P2RY8: variants seen among roughly 807,000 people sequenced by gnomAD.
The protein encoded by P2RY8 is P2Y receptor family member 8.
In P2RY8, 6 loss-of-function variants were observed where a neutral mutation model predicts 10.0. That is an observed-to-expected ratio of 0.60 (90% CI 0.33 to 1.19). The LOEUF (loss-of-function observed/expected upper bound fraction) is 1.19. P2RY8 is among the 50% of genes most tolerant of loss of function. The pLI is 0.04. For synonymous variants in P2RY8, 276 were observed against 252.5 expected, an observed-to-expected ratio of 1.09 and a Z score of -0.88; for missense variants, 456 against 542.0, an observed-to-expected ratio of 0.84 and a Z score of 1.58.
rs1208094731 is a variant in P2RY8 at position 1,537,024 on chromosome X, C to G, written c.-128G>C. 1 of 232,260 alleles carries G rather than the reference C, an allele frequency of 4.3e-6. No individual in the cohort carries two copies. Among genetic ancestry groups the G allele is most frequent in the Non-Finnish European group, 8.5e-6 (1 of 117,574 alleles). 14.4% of individuals were successfully genotyped at this position (232,260 alleles called of 1,614,324 possible). ...CGGCCGTGCCTCAGAGCCCGGGACT[C>G]GGGGGGCCAGCCACCAGCTTGCAAG... is the stretch of plus-strand genomic sequence containing the variant. On this transcript the variant is annotated 5_prime_UTR_variant, in exon 1 of 2. Coordinates refer to ENST00000381297, the MANE Select transcript of P2RY8 (RefSeq NM_178129.5).
chrX:1,525,289 C>A (rs1403455807), intron 1 of P2RY8, among the ~76,000 whole-genome samples: 3 of 152,174 alleles, frequency 2.0e-5, no homozygotes, highest in African/African-American at 7.2e-5. Flanking sequence ...GAAATAGGAT[C>A]TTTGCAGATG....
chrX:1,500,009 CCA>C (rs1491437246), intron 1 of P2RY8, among the ~76,000 whole-genome samples: 18 of 72,398 alleles, frequency 2.5e-4, no homozygotes, highest in Non-Finnish European at 2.6e-4. Context: ...CAGGCGTGTA[CCA>C]CCATGCCCAG....
At chrX:1,530,719 T>C (rs1308214236) in intron 1 of P2RY8, among the ~76,000 whole-genome samples, 1 of 151,200 alleles carries the variant, frequency 6.6e-6, no homozygotes, top group African/African-American at 2.4e-5. Context: ...ATCTAATCTA[T>C]TTATCCATGT....
intron 1 of P2RY8, among the ~76,000 whole-genome samples, chrX:1,468,468 G>C: frequency 6.6e-6 from 1 of 152,338 alleles, no homozygotes; most frequent in East Asian, 1.9e-4. Flanking sequence ...AGCCAGGACT[G>C]CTGAGGAACG....
At chrX:1,512,546 C>CAAAAAA (rs573449530) in intron 1 of P2RY8, among the ~76,000 whole-genome samples, 1 of 97,036 alleles carries the variant, frequency 1.0e-5, no homozygotes. Context: ...GACTCCGTCT[C>CAAAAAA]AAAAAAAAAA....
At chrX:1,491,822 T>G (rs1196485692) in intron 1 of P2RY8, among the ~76,000 whole-genome samples, 1 of 151,982 alleles carries the variant, frequency 6.6e-6, no homozygotes, top group Non-Finnish European at 1.5e-5. Context: ...TGAATGCCAC[T>G]CTGAGAATGC....
intron 1 of P2RY8, among the ~76,000 whole-genome samples, chrX:1,503,419 T>G (rs1221708908): frequency 6.6e-6 from 1 of 152,194 alleles, no homozygotes; most frequent in Non-Finnish European, 1.5e-5. Flanking sequence ...CTGAACAAGT[T>G]TGAAAGATGC....
intron 1 of P2RY8, among the ~76,000 whole-genome samples, chrX:1,532,043 CA>C: frequency 1.3e-5 from 2 of 152,184 alleles, no homozygotes; most frequent in East Asian, 3.9e-4. Context: ...TTTGATCCAG[CA>C]ATCCCACTGC....
At chrX:1,510,781 A>G (rs2092293086) in intron 1 of P2RY8, among the ~76,000 whole-genome samples, 1 of 152,192 alleles carries the variant, frequency 6.6e-6, no homozygotes, top group South Asian at 2.1e-4. Flanking sequence ...CAGTAGGCTG[A>G]GGCAGGAGAA....
Position 1,511,966 on chromosome X carries a change from C to T in P2RY8, c.-25+24955G>A, listed in dbSNP as rs192484745. On this transcript the variant is annotated intron_variant, in intron 1 of 1. Coordinates refer to ENST00000381297, the MANE Select transcript of P2RY8 (RefSeq NM_178129.5). ...TCCAGGTGAGCAAGTGTTCTGCCTTCGGTGATATGGGGGCCCACCTGTTCC... is the reference window on the plus strand; with the variant it reads ...TCCAGGTGAGCAAGTGTTCTGCCTTTGGTGATATGGGGGCCCACCTGTTCC... 2.8e-3 allele frequency among the ~76,000 whole-genome samples: 428 copies of T among 152,240 alleles called. 5 individuals carry two copies. The highest frequency in any genetic ancestry group is 1.6e-3 in the Non-Finnish European group (107 of 68,024).
At chrX:1,505,164 C>A (rs1168122859) in intron 1 of P2RY8, among the ~76,000 whole-genome samples, 2 of 133,724 alleles carry the variant, frequency 1.5e-5, no homozygotes, top group Non-Finnish European at 3.3e-5. Context: ...GGAAGAAAAT[C>A]TCATGCTCAA....
At chrX:1,500,749 C>G (rs773746959) in intron 1 of P2RY8, among the ~76,000 whole-genome samples, 1 of 152,024 alleles carries the variant, frequency 6.6e-6, no homozygotes, top group Non-Finnish European at 1.5e-5. Context: ...CGCCCGGCCA[C>G]GTTAATTCTT....
chrX:1,471,827 T>G (rs1454698486), intron 1 of P2RY8, among the ~76,000 whole-genome samples: 1 of 152,152 alleles, frequency 6.6e-6, no homozygotes, highest in African/African-American at 2.4e-5. Context: ...GCTATTGTCT[T>G]CTGGCTATAA....
rs1441663478 is a variant in P2RY8, at chrX:1,536,996, C to G, written c.-100G>C. 4.3e-6 allele frequency: 1 copy of G among 231,904 alleles called. No homozygotes were observed. Among genetic ancestry groups the G allele is most frequent in the Non-Finnish European group, 8.5e-6 (1 of 117,394 alleles). 14.4% of individuals were successfully genotyped at this position (231,904 alleles called of 1,614,324 possible). ...AGGTAACAGGATGCAACGCTTAAGT[C>G]GACGGCCGTGCCTCAGAGCCCGGGA... On this transcript the variant is annotated 5_prime_UTR_variant, in exon 1 of 2. Transcript: ENST00000381297.
At chrX:1,525,198 T>C (rs1343301309) in intron 1 of P2RY8, among the ~76,000 whole-genome samples, 1 of 152,196 alleles carries the variant, frequency 6.6e-6, no homozygotes, top group African/African-American at 2.4e-5. Flanking sequence ...GTTTGGAGAG[T>C]GTTTTGAGTT....
chrX:1,530,281 C>CTATA (rs1397747375), intron 1 of P2RY8, among the ~76,000 whole-genome samples: 22 of 149,964 alleles, frequency 1.5e-4, no homozygotes, highest in Non-Finnish European at 2.7e-4. Flanking sequence ...ATCTATCTAT[C>CTATA]TATCTATCTA....
At chrX:1,501,169 G>A (rs1414303834) in intron 1 of P2RY8, among the ~76,000 whole-genome samples, 1 of 152,162 alleles carries the variant, frequency 6.6e-6, no homozygotes, top group Non-Finnish European at 1.5e-5. Context: ...TGTGAACTAC[G>A]TCTTGGAAGG....
chrX:1,532,294 T>C (rs2092480627), intron 1 of P2RY8, among the ~76,000 whole-genome samples: 1 of 122,502 alleles, frequency 8.2e-6, no homozygotes, highest in South Asian at 3.0e-4. Context: ...ATATATGTCA[T>C]ATATATGTGT....
chrX:1,497,893 G>A (rs2092133114), intron 1 of P2RY8, among the ~76,000 whole-genome samples: 2 of 152,008 alleles, frequency 1.3e-5, no homozygotes, highest in Non-Finnish European at 2.9e-5. Flanking sequence ...CCAGGAAGCT[G>A]TGAGTATTTG....
Sources: gnomAD v4.1 joint callset for allele counts (sites outside exome capture counted in the v4.1 genomes callset) on GRCh38, gnomAD v4.1.1 for gene constraint, MANE v1.5 for transcripts, NCBI Gene and HGNC (gene_info 2026-07-23, HGNC 2026-07-21) for gene names.